Variants in NCOR2 observed in about 807,000 individuals in gnomAD.
NCOR2 encodes the protein nuclear receptor corepressor 2.
Under a neutral mutation model 262.9 loss-of-function variants are expected in NCOR2, and 81 were observed. The ratio of observed to expected loss-of-function variants is 0.31; its 90% CI spans 0.26 to 0.37. NCOR2 has a LOEUF of 0.37. NCOR2 is among the 10% of genes least tolerant of loss of function. The pLI is 1.00. For missense variants in NCOR2, 3,385 were observed against 3,621.4 expected, an observed-to-expected ratio of 0.93 and a Z score of 1.68; for synonymous variants, 1,659 against 1,559.3, an observed-to-expected ratio of 1.06 and a Z score of -1.51.
intron 3 of NCOR2, among the ~76,000 whole-genome samples, chr12:124,475,580 G>C (rs529846754): frequency 6.6e-6 from 1 of 152,238 alleles, no homozygotes; most frequent in African/African-American, 2.4e-5. Context: ...CACAGGCAAC[G>C]GGGAACAAAT....
chr12:124,497,030 T>C (rs898711185), upstream of NCOR2, among the ~76,000 whole-genome samples: 3 of 152,200 alleles, frequency 2.0e-5, no homozygotes, highest in Admixed American at 6.5e-5. This position sits in a 1 kb window ranked among gnomAD's most constrained non-coding sequence, Gnocchi z 4.2. Context: ...TTGTGTCCGA[T>C]GGTGGCTGGA....
intron 43 of NCOR2, among the ~76,000 whole-genome samples, chr12:124,331,142 A>G (rs2035155624): frequency 2.0e-5 from 3 of 149,608 alleles, no homozygotes; most frequent in Non-Finnish European, 4.4e-5. Context: ...GGCTCCCTGC[A>G]ACCTCCGCCT....
chr12:124,539,319 G>A (rs750351666), upstream of NCOR2: 3 of 152,790 alleles, frequency 2.0e-5, no homozygotes, highest in African/African-American at 4.8e-5. The surrounding 1 kb of genome is among the most constrained non-coding windows in gnomAD (Gnocchi z 5.1). Context: ...GTGCACACCC[G>A]GTTCACACTC....
At chr12:124,350,379 A>G (rs1247299596) in intron 28 of NCOR2, among the ~76,000 whole-genome samples, 4 of 152,180 alleles carry the variant, frequency 2.6e-5, no homozygotes, top group Non-Finnish European at 5.9e-5. Flanking sequence ...TTTGTTTTCT[A>G]AACTGTAAAG....
At chr12:124,360,082 G>A (rs930431391) in intron 22 of NCOR2, among the ~76,000 whole-genome samples, 1 of 152,216 alleles carries the variant, frequency 6.6e-6, no homozygotes, top group Non-Finnish European at 1.5e-5. Flanking sequence ...ACAGGGGCCT[G>A]CGACCTGGCT....
chr12:124,479,518 C>T (rs557625411), intron 3 of NCOR2, among the ~76,000 whole-genome samples: 3 of 151,704 alleles, frequency 2.0e-5, no homozygotes, highest in African/African-American at 4.8e-5. Context: ...CACGCACATG[C>T]GCGCACACGC....
At chr12:124,533,738 C>T (rs182738114) in intron 1 of NCOR2, among the ~76,000 whole-genome samples, 65 of 152,170 alleles carry the variant, frequency 4.3e-4, no homozygotes, top group Non-Finnish European at 8.1e-4. Context: ...TTCTGAGAAA[C>T]GCACGGGAGC....
chr12:124,485,725 G>A (rs916525771), intron 2 of NCOR2, among the ~76,000 whole-genome samples: 3 of 152,156 alleles, frequency 2.0e-5, no homozygotes, highest in South Asian at 2.1e-4. Context: ...CTGGTGCCTC[G>A]ACTTCTAGTC....
Position 124,349,325 on chromosome 12 carries a change from C to T in NCOR2, c.3845-1011G>A, listed in dbSNP as rs542748109. Among the ~76,000 whole-genome samples the T allele has an allele frequency of 1.6e-4, 25 of 152,338 alleles. No homozygotes were observed. In the East Asian group the frequency reaches 4.8e-3, roughly 29 times the overall value. ...TGAGCCCCGGGAGCCCCCGCCCCAC[C>T]CCTCAGAGGGAATGAGCAACTGACA... On this transcript the variant is annotated intron_variant, in intron 28 of 46. Coordinates refer to ENST00000405201, the Ensembl canonical transcript of NCOR2.
intron 13 of NCOR2, among the ~76,000 whole-genome samples, chr12:124,415,563 G>A (rs1386451601): frequency 1.3e-5 from 2 of 152,250 alleles, no homozygotes; most frequent in Non-Finnish European, 2.9e-5. Flanking sequence ...AAACGCAGCT[G>A]ATCCGAGGAA....
chr12:124,376,077 C>T (rs1000139500), intron 18 of NCOR2, among the ~76,000 whole-genome samples: 1 of 152,176 alleles, frequency 6.6e-6, no homozygotes, highest in African/African-American at 2.4e-5. Context: ...GGGAGGGGTT[C>T]TCCTCTCCCC....
chr12:124,524,895 C>T lies in NCOR2; in HGVS notation c.-118+10670G>A, dbSNP rs2050380391. ...CCCCTCTGGATACTAAACTCGAAGG[C>T]ACAGGCAATGTCCAACTTCTCCACC... On this transcript the variant is annotated intron_variant, in intron 1 of 46. Coordinates refer to the NCOR2 transcript ENST00000404621. Among the ~76,000 whole-genome samples the T allele has an allele frequency of 2.0e-5, 3 of 152,356 alleles. No individual in the cohort carries two copies. The South Asian group carries it at 6.2e-4, about 32-fold the overall frequency.
chr12:124,369,980 G>A (rs1445842352), intron 20 of NCOR2, among the ~76,000 whole-genome samples: 1 of 152,180 alleles, frequency 6.6e-6, no homozygotes, highest in East Asian at 1.9e-4. Flanking sequence ...CAGACTCTGG[G>A]AGGCAGCTTA....
intron 7 of NCOR2, among the ~76,000 whole-genome samples, chr12:124,438,406 G>A (rs979315304): frequency 1.9e-4 from 29 of 152,248 alleles, no homozygotes; most frequent in Admixed American, 9.8e-4. Context: ...CAGGCCGGGT[G>A]TCAGAGTGTG....
At chr12:124,533,177 G>A (rs929238399) in intron 1 of NCOR2, among the ~76,000 whole-genome samples, 5 of 151,364 alleles carry the variant, frequency 3.3e-5, no homozygotes, top group Non-Finnish European at 7.4e-5. Context: ...CCAGGAAGCA[G>A]ATGACCTGCA....
intron 16 of NCOR2, among the ~76,000 whole-genome samples, chr12:124,394,967 G>C (rs919036869): frequency 5.9e-5 from 9 of 152,096 alleles, no homozygotes; most frequent in Admixed American, 4.6e-4. Context: ...TTCTCCCTAG[G>C]AATGGGGCCC....
intron 16 of NCOR2, among the ~76,000 whole-genome samples, chr12:124,391,951 C>G (rs2136151494): frequency 6.6e-6 from 1 of 152,338 alleles, no homozygotes. Context: ...CCACCCCATG[C>G]CCTGTGTCCA....
intron 37 of NCOR2, among the ~76,000 whole-genome samples, chr12:124,337,571 G>A (rs990839934): frequency 6.6e-6 from 1 of 152,350 alleles, no homozygotes; most frequent in Admixed American, 6.5e-5. Context: ...TGAGGTACCA[G>A]GAGAGAACGG....
intron 1 of NCOR2, among the ~76,000 whole-genome samples, chr12:124,494,596 G>T (rs2048279010): frequency 6.6e-6 from 1 of 152,130 alleles, no homozygotes; most frequent in Admixed American, 6.5e-5. Flanking sequence ...CTGGCCACAG[G>T]GCGGGCTCCC....
Sources: gnomAD v4.1 joint callset for allele counts (sites outside exome capture counted in the v4.1 genomes callset) on GRCh38, gnomAD v4.1.1 for gene constraint, Gnocchi (gnomAD v3.1) non-coding constraint, MANE v1.5 for transcripts, NCBI Gene and HGNC (gene_info 2026-07-23, HGNC 2026-07-21) for gene names.